The following SH2B1 variants were observed in gnomAD, a reference collection of about 807,000 sequenced individuals.
SH2B1 encodes SH2B adaptor protein 1.
Under a neutral mutation model 62.6 loss-of-function variants are expected in SH2B1, and 15 were observed. The observed-to-expected ratio is 0.24, with a 90% CI of 0.16 to 0.37. SH2B1 has a LOEUF of 0.37. Among genes scored for constraint, SH2B1 ranks in the 10% least tolerant of loss-of-function variants. SH2B1 has a pLI of 1.00. For synonymous variants in SH2B1, 443 were observed against 438.0 expected (o/e 1.01, Z -0.14); for missense variants, 925 against 1,015.6 (o/e 0.91, Z 1.21).
Position 28,864,111 on chromosome 16 carries a change from T to C in SH2B1, c.-1984T>C, listed in dbSNP as rs918648982. 25 of 1,224,842 alleles carry C rather than the reference T, an allele frequency of 2.0e-5. 1 individual carries two copies. In the African/African-American group the frequency reaches 2.9e-4, roughly 14 times the overall value. 75.9% of individuals were successfully genotyped at this position (1,224,842 alleles called of 1,614,324 possible). A position where few individuals can be genotyped will look rare whatever the true frequency, so the allele number is the denominator to read the frequency against. ...CAGACAGGGCTGGTCCCGAGGTGGA[T>C]GCGGCCCCGGAAAATGGGCGGCTGG... On this transcript the variant is annotated 5_prime_UTR_variant, in exon 1 of 8. An upstream start codon of the reference 5' UTR is lost. Transcript: ENST00000684370.
chr16:28,869,405 G>T lies in SH2B1; in HGVS notation c.1309+22G>T. 2.5e-6 allele frequency: 4 copies of T among 1,597,930 alleles called. No homozygotes were observed. The South Asian group carries it at 4.4e-5, about 18-fold the overall frequency. ...CAGGGTAAGGGTGGAGCCTTAGAGA[G>T]CTCGGAGCCTCGGAACCTGCCATGC... On this transcript the variant is annotated intron_variant, in intron 4 of 7. Coordinates refer to ENST00000684370, the MANE Select transcript of SH2B1 (RefSeq NM_001387430.1).
In SH2B1 at chr16:28,871,764, C is replaced by T; in HGVS notation, c.1310-16C>T. The stretch of plus-strand genomic sequence containing the variant: ...GGAATTTCTTGGGTTCTCAGCTTTG[C>T]CCTTTTTTTTTCCAGGGGCATATGG... On this transcript the variant is annotated splice_polypyrimidine_tract_variant and intron_variant, in intron 4 of 7. Coordinates refer to ENST00000684370, the MANE Select transcript of SH2B1 (RefSeq NM_001387430.1). The T allele has an allele frequency of 6.2e-7, 1 of 1,607,812 alleles. No homozygotes were observed. The highest frequency in any genetic ancestry group is 1.1e-5 in the South Asian group (1 of 90,958).
chr16:28,863,561 G>A (rs1428765653), upstream of SH2B1: 53 of 989,880 alleles, frequency 5.4e-5, no homozygotes, highest in Non-Finnish European at 7.6e-5. Flanking sequence ...TATCCCCTAA[G>A]GCCGGTTCTC....
chr16:28,847,346 C>A (rs919571252), intron 1 of SH2B1, among the ~76,000 whole-genome samples: 2 of 152,150 alleles, frequency 1.3e-5, no homozygotes, highest in African/African-American at 4.8e-5. Context: ...CAGGGCACTC[C>A]AAAGTGTTAA....
rs1567459149 is a variant in SH2B1 at position 28,852,761 on chromosome 16, T to TATATATATTTAC, written c.-301+5945_-301+5946insCATATATATTTA. Among the ~76,000 whole-genome samples the TATATATATTTAC allele has an allele frequency of 6.4e-3, 190 of 29,904 alleles. 33 individuals carry two copies. The highest frequency in any genetic ancestry group is 0.025 in the African/African-American group (135 of 5,386). 19.6% of individuals were successfully genotyped at this position (29,904 alleles called of 152,430 possible). On this transcript the variant is annotated intron_variant, in intron 1 of 10. Transcript: ENST00000322610. ...ATATATATATTTACATATATATGTA[T>TATATATATTTAC]ATATATATTTATATATATATTTACA...
intron 1 of SH2B1, among the ~76,000 whole-genome samples, chr16:28,849,364 T>A (rs749199858): frequency 2.1e-4 from 32 of 152,234 alleles, no homozygotes; most frequent in Non-Finnish European, 3.5e-4. Flanking sequence ...CTCAAAATGC[T>A]GGGATTACAG....
intron 1 of SH2B1, among the ~76,000 whole-genome samples, chr16:28,849,087 C>G (rs1210013347): frequency 2.0e-5 from 3 of 152,176 alleles, no homozygotes; most frequent in Non-Finnish European, 2.9e-5. Context: ...AGGCTGGTAT[C>G]ATGTGTAGTA....
chr16:28,867,315 C>T lies in SH2B1; in HGVS notation c.940-16C>T, dbSNP rs375143445. 70 of 1,597,974 alleles carry T rather than the reference C, an allele frequency of 4.4e-5. No homozygotes were observed. Among genetic ancestry groups the T allele is most frequent in the African/African-American group, 5.4e-5 (4 of 74,554 alleles). ...GGAAACCAAACACCCAGATCTGTTT[C>T]TTTCTCCTGACTTAGGCCTCTCGGC... is the stretch of plus-strand genomic sequence containing the variant. On this transcript the variant is annotated splice_polypyrimidine_tract_variant and intron_variant, in intron 1 of 7. Coordinates refer to ENST00000684370, the MANE Select transcript of SH2B1 (RefSeq NM_001387430.1).
Position 28,871,805 on chromosome 16 carries a change from C to A in SH2B1, c.1335C>A (p.Arg445=), listed in dbSNP as rs1286003295. ...GGGCATATGGGGGCCTCTCAGACCGCCCCTCGGCATCCATCTCCCCCAGCT... is the reference window on the plus strand; with the variant it reads ...GGGCATATGGGGGCCTCTCAGACCGACCCTCGGCATCCATCTCCCCCAGCT... ...SQGAYGGLSD[R]PSASISPSSA... Residue 445 remains arginine (R), a synonymous_variant, in exon 5 of 8, where the codon CGC becomes CGA. Coordinates refer to ENST00000684370, the MANE Select transcript of SH2B1 (RefSeq NM_001387430.1). The A allele has an allele frequency of 6.2e-7, 1 of 1,614,090 alleles. No individual in the cohort carries two copies. Among genetic ancestry groups the A allele is most frequent in the African/African-American group, 1.3e-5 (1 of 75,046 alleles).
chr16:28,873,667 G>C lies in SH2B1; in HGVS notation c.2118G>C (p.Glu706Asp). 3.3e-6 allele frequency: 5 copies of C among 1,529,236 alleles called. No homozygotes were observed. The highest frequency in any genetic ancestry group is 4.4e-6 in the Non-Finnish European group (5 of 1,136,218). 94.7% of individuals were successfully genotyped at this position (1,529,236 alleles called of 1,614,324 possible). The change falls in exon 8 of 8, where the codon GAG (glutamate) becomes GAC (aspartate). Residue 706 changes from glutamate to aspartate, a missense_variant. Transcript: ENST00000684370. This position sits in a 1 kb window ranked among gnomAD's most constrained non-coding sequence, Gnocchi z 4.2. ...TGGTCCCCGTGGTTGAATTGGAAGA[G>C]GCCATAGCCCCAGGCTCAGAGGCCC... The part of the protein sequence containing the change: ...VELVPVVELE[E>D]AIAPGSEAQG...
rs1962638851 is a variant in SH2B1, at chr16:28,865,555, A to C, written c.-540A>C. 4 of 985,618 alleles carry C rather than the reference A, an allele frequency of 4.1e-6. No homozygotes were observed. Among genetic ancestry groups the C allele is most frequent in the Non-Finnish European group, 4.8e-6 (4 of 830,012 alleles). 61.1% of individuals were successfully genotyped at this position (985,618 alleles called of 1,614,324 possible). On this transcript the variant is annotated 5_prime_UTR_variant, in exon 1 of 8. Transcript: ENST00000684370. ...GAAGTGGGGAAAACAGTAGACTTGG[A>C]GTTCTGAAACTTTTCTGAGCTTCGG... is the stretch of plus-strand genomic sequence containing the variant.
intron 1 of SH2B1, among the ~76,000 whole-genome samples, chr16:28,847,796 G>A (rs1435461305): frequency 6.7e-6 from 1 of 149,442 alleles, no homozygotes; most frequent in African/African-American, 2.5e-5. Flanking sequence ...CCCACCGTGA[G>A]TGACAGAGAA....
chr16:28,863,850 G>C lies in SH2B1; in HGVS notation c.-2245G>C. On this transcript the variant is annotated 5_prime_UTR_variant, in exon 1 of 8. Transcript: ENST00000684370. Reference sequence around the variant, plus strand: ...GGTCCTGACGCCTGCGCGGAACCGGGCTGGGCGCTCGTCGCGTAGTGGGTG... The same window carrying C: ...GGTCCTGACGCCTGCGCGGAACCGGCCTGGGCGCTCGTCGCGTAGTGGGTG... 6.5e-7 allele frequency: 1 copy of C among 1,528,082 alleles called. No homozygotes were observed. Among genetic ancestry groups the C allele is most frequent in the Non-Finnish European group, 8.7e-7 (1 of 1,143,072 alleles). The allele number at this position is 1,528,082 out of a possible 1,614,324, so 94.7% of individuals were successfully genotyped here. A position where few individuals can be genotyped will look rare whatever the true frequency, so the allele number is the denominator to read the frequency against.
Position 28,872,603 on chromosome 16 carries a change from G to A in SH2B1, c.1795G>A (p.Asp599Asn), listed in dbSNP as rs1963105848. Residue 599 changes from aspartate (D) to asparagine (N), a missense_variant, in exon 7 of 8, where the codon GAT (aspartate) becomes AAT (asparagine). Around this residue, in one of 3 missense-constraint regions of SH2B1, gnomAD observed 57 missense variants for 122.1 expected, o/e 0.47. Transcript: ENST00000684370. This position sits in a 1 kb window ranked among gnomAD's most constrained non-coding sequence, Gnocchi z 5.3. ...GCACCTGTGGTTCCAGTCCATTTTCGATATGCTCGAGCACTTCCGGGTGCA... is the reference window on the plus strand; with the variant it reads ...GCACCTGTGGTTCCAGTCCATTTTCAATATGCTCGAGCACTTCCGGGTGCA... Reference protein sequence around the residue: ...VQHLWFQSIFDMLEHFRVHPI... With the variant: ...VQHLWFQSIFNMLEHFRVHPI... 1.9e-6 allele frequency: 3 copies of A among 1,614,194 alleles called. No individual in the cohort carries two copies. The highest frequency in any genetic ancestry group is 2.2e-5 in the East Asian group (1 of 44,880).
chr16:28,863,649 C>G, upstream of SH2B1: 1 of 1,526,498 alleles, frequency 6.6e-7, no homozygotes, highest in East Asian at 2.4e-5. Context: ...TCCCCCGCTG[C>G]GTCTGTGGTC....
Position 28,865,476 on chromosome 16 carries a change from G to C in SH2B1, c.-619G>C. On this transcript the variant is annotated 5_prime_UTR_variant, in exon 1 of 8. Transcript: ENST00000684370. ...TCTCTAGCCCCCTGCGAGCTGGGGC[G>C]GTGAGGTGCTATGGCTGAGGCTGGC... 1 of 985,614 alleles carries C rather than the reference G, an allele frequency of 1.0e-6. No homozygotes were observed. The highest frequency in any genetic ancestry group is 1.2e-6 in the Non-Finnish European group (1 of 829,964). The allele number at this position is 985,614 out of a possible 1,614,324, so 61.1% of individuals were successfully genotyped here.
At position 28,852,770 on chromosome 16, in the gene SH2B1, T is replaced by A. The variant is rs1378826678; in HGVS notation, c.-301+5943T>A. 2.0e-4 allele frequency among the ~76,000 whole-genome samples: 12 copies of A among 60,470 alleles called. 2 individuals carry two copies. The highest frequency in any genetic ancestry group is 1.9e-3 in the Admixed American group (6 of 3,140). The allele number at this position is 60,470 out of a possible 152,430, so 39.7% of individuals were successfully genotyped here. A position where few individuals can be genotyped will look rare whatever the true frequency, so the allele number is the denominator to read the frequency against. The stretch of plus-strand genomic sequence containing the variant: ...TTTACATATATATGTATATATATAT[T>A]TATATATATATTTACATATATATTT... On this transcript the variant is annotated intron_variant, in intron 1 of 10. Transcript: ENST00000322610.
chr16:28,852,830 A>ACATATATATT (rs1962193739), intron 1 of SH2B1, among the ~76,000 whole-genome samples: 1 of 10,734 alleles, frequency 9.3e-5, no homozygotes, highest in African/African-American at 4.2e-4. Flanking sequence ...ATATATATTT[A>ACATATATATT]TATATATATA....
Position 28,866,190 on chromosome 16 carries a change from C to A in SH2B1, c.96C>A (p.Ser32=). ...CTAGTTGGCGGGAGTTCTGTGAGTCCCACGCCCGGGCTGCGGCTCTGGACT... is the reference window on the plus strand; with the variant it reads ...CTAGTTGGCGGGAGTTCTGTGAGTCACACGCCCGGGCTGCGGCTCTGGACT... The part of the protein sequence containing the change: ...PPPSWREFCE[S]HARAAALDFA... Residue 32 remains serine (S), a synonymous_variant, in exon 1 of 8, where the codon TCC becomes TCA. Coordinates refer to ENST00000684370, the MANE Select transcript of SH2B1 (RefSeq NM_001387430.1). This position sits in a 1 kb window ranked among gnomAD's most constrained non-coding sequence, Gnocchi z 6.3. 6.3e-7 allele frequency: 1 copy of A among 1,579,384 alleles called. No individual in the cohort carries two copies. The highest frequency in any genetic ancestry group is 1.8e-4 in the Middle Eastern group (1 of 5,600).
Sources: allele counts gnomAD v4.1 joint callset (sites outside exome capture counted in the v4.1 genomes callset), GRCh38; gene constraint gnomAD v4.1.1; regional missense constraint gnomAD v4.1.1; non-coding constraint Gnocchi (gnomAD v3.1); transcripts MANE v1.5; gene names NCBI Gene and HGNC (gene_info 2026-07-23, HGNC 2026-07-21).